The following ZNF716 variants were observed in gnomAD, a reference collection of about 807,000 sequenced individuals.
ZNF716 encodes zinc finger protein 716.
ZNF716 carries 9 observed loss-of-function variants against 13.4 expected under a neutral mutation model. The ratio of observed to expected loss-of-function variants is 0.67; its 90% CI spans 0.41 to 1.18. ZNF716 has a LOEUF of 1.18. ZNF716 is among the 50% of genes most tolerant of loss of function. The probability of loss-of-function intolerance (pLI) is 0.01; values close to 1 mark genes in which losing one functional copy is unlikely to be tolerated. For synonymous variants in ZNF716, 186 were observed against 195.2 expected, an observed-to-expected ratio of 0.95 and a Z score of 0.39; for missense variants, 581 against 576.6, an observed-to-expected ratio of 1.01 and a Z score of -0.08.
chr7:57,468,778 C>G lies in ZNF716; in HGVS notation c.317C>G (p.Ser106Ter). The change falls in exon 4 of 4, where the codon TCA (serine) becomes TGA (stop). Residue 106 changes from serine (S) to a stop codon, truncating the protein, a stop_gained. Transcript: ENST00000420713. LOFTEE classifies it low-confidence loss of function (END_TRUNC). ...DLQSEQGIKD[S>*]LQKVILRRYG... ...CAGTCAGAGCAGGGCATAAAAGATT[C>G]ACTCCAAAAAGTGATACTGAGAAGA... 6.2e-7 allele frequency: 1 copy of G among 1,613,192 alleles called. No homozygotes were observed. Among genetic ancestry groups the G allele is most frequent in the South Asian group, 1.1e-5 (1 of 90,948 alleles).
At chr7:57,450,838 G>A (rs1383163257) in intron 1 of ZNF716, among the ~76,000 whole-genome samples, 4 of 151,990 alleles carry the variant, frequency 2.6e-5, no homozygotes, top group African/African-American at 9.7e-5. Context: ...AGACTTGAAG[G>A]AAAGTTTGTT....
At chr7:57,467,930 TTTTA>T in intron 3 of ZNF716, among the ~76,000 whole-genome samples, 1 of 152,158 alleles carries the variant, frequency 6.6e-6, no homozygotes, top group Middle Eastern at 3.4e-3. Context: ...TTTCAAAATT[TTTTA>T]TTTTTTTGAT....
At chr7:57,451,050 C>G (rs1192634963) in intron 1 of ZNF716, among the ~76,000 whole-genome samples, 1 of 150,302 alleles carries the variant, frequency 6.7e-6, no homozygotes, top group Non-Finnish European at 1.5e-5. Context: ...GAGAGGGAGT[C>G]TCGCTCTGTT....
At chr7:57,462,354 C>G (rs781940792) in intron 1 of ZNF716, 106 bp from the exon 2 acceptor site, 63 of 1,315,284 alleles carry the variant, frequency 4.8e-5, no homozygotes, top group Non-Finnish European at 6.5e-5. Flanking sequence ...CTTCTTTTTA[C>G]TCTCTTATTT....
rs782379095 is a variant in ZNF716, at chr7:57,468,782, C to G, written c.321C>G (p.Leu107=). ...CAGAGCAGGGCATAAAAGATTCACTCCAAAAAGTGATACTGAGAAGATATG... is the reference window on the plus strand; with the variant it reads ...CAGAGCAGGGCATAAAAGATTCACTGCAAAAAGTGATACTGAGAAGATATG... ...LQSEQGIKDS[L]QKVILRRYGK... is the part of the protein sequence containing the mutation. Residue 107 remains leucine (L), a synonymous_variant, in exon 4 of 4, where the codon CTC becomes CTG. Transcript: ENST00000420713. 4 of 1,613,274 alleles carry G rather than the reference C, an allele frequency of 2.5e-6. No individual in the cohort carries two copies. The South Asian group carries it at 3.3e-5, about 13-fold the overall frequency.
At chr7:57,466,064 T>C (rs1290600303) in intron 3 of ZNF716, among the ~76,000 whole-genome samples, 4 of 151,838 alleles carry the variant, frequency 2.6e-5, no homozygotes, top group East Asian at 1.9e-4. Context: ...AGGGATAGCA[T>C]TGGGAGATAT....
In ZNF716 at chr7:57,462,990, T is replaced by C. The variant is rs150755239; in HGVS notation, c.167-83T>C. 2,115 of 1,524,100 alleles carry C rather than the reference T, an allele frequency of 1.4e-3. 34 individuals carry two copies. In the African/African-American group the frequency reaches 0.026, roughly 19 times the overall value. The allele number at this position is 1,524,100 out of a possible 1,614,324, so 94.4% of individuals were successfully genotyped here. ...TAATTTTCTAGAATTTTCTATCATA[T>C]CCTCTTTACTAAGCATAATACTTGT... On this transcript the variant is annotated intron_variant, in intron 2 of 3. Transcript: ENST00000420713.
intron 1 of ZNF716, among the ~76,000 whole-genome samples, chr7:57,457,770 A>G (rs1474377376): frequency 1.3e-5 from 2 of 152,170 alleles, no homozygotes; most frequent in African/African-American, 4.8e-5. Context: ...TAAGCATAGT[A>G]CCCAACAGAT....
intron 1 of ZNF716, among the ~76,000 whole-genome samples, chr7:57,460,487 G>T (rs553641213): frequency 6.6e-6 from 1 of 150,414 alleles, no homozygotes; most frequent in East Asian, 2.0e-4. Context: ...TACTTGTGTT[G>T]TTATCCCTAA....
rs1248597578 is a variant in ZNF716, at chr7:57,470,550, A to G, written c.*601A>G. 2.0e-5 allele frequency: 3 copies of G among 152,840 alleles called. No individual in the cohort carries two copies. The highest frequency in any genetic ancestry group is 7.2e-5 in the African/African-American group (3 of 41,452). The allele number at this position is 152,840 out of a possible 1,614,324, so 9.5% of individuals were successfully genotyped here. On this transcript the variant is annotated 3_prime_UTR_variant, in exon 4 of 4. Coordinates refer to ENST00000420713, the MANE Select transcript of ZNF716 (RefSeq NM_001159279.1). ...TCTAGAGACAAACCCTACAAAAACA[A>G]TGTGGTAAAGCTTTTACCTAGTCTT...
At chr7:57,453,566 C>T (rs1321946273) in intron 1 of ZNF716, among the ~76,000 whole-genome samples, 1 of 152,030 alleles carries the variant, frequency 6.6e-6, no homozygotes, top group East Asian at 1.9e-4. Context: ...TCACATTTGC[C>T]CTTTTCTTTC....
At chr7:57,452,388 A>G (rs1789512536) in intron 1 of ZNF716, among the ~76,000 whole-genome samples, 1 of 152,012 alleles carries the variant, frequency 6.6e-6, no homozygotes, top group African/African-American at 2.4e-5. Context: ...TAATCCTAGC[A>G]CTTTGGGAGA....
intron 1 of ZNF716, among the ~76,000 whole-genome samples, chr7:57,452,362 CG>C (rs1789512239): frequency 6.6e-6 from 1 of 151,770 alleles, no homozygotes; most frequent in African/African-American, 2.4e-5. Flanking sequence ...GGGCCGGACG[CG>C]GTGGCTCATG....
Position 57,472,298 on chromosome 7 carries a change from TAAAC to T in ZNF716, c.*2353_*2356del, listed in dbSNP as rs1789957228. On this transcript the variant is annotated 3_prime_UTR_variant, in exon 4 of 4. Transcript: ENST00000420713. ...TTATTTTATCAATTGTACCTTTATG[TAAAC>T]AAAGTTGTTTTTAATGAGCTAAAAC... 1 of 152,230 alleles carries T rather than the reference TAAAC, an allele frequency of 6.6e-6. No individual in the cohort carries two copies. Among genetic ancestry groups the T allele is most frequent in the South Asian group, 2.1e-4 (1 of 4,838 alleles). 9.4% of individuals were successfully genotyped at this position (152,230 alleles called of 1,614,324 possible).
At chr7:57,456,010 C>CA (rs1403167612) in intron 1 of ZNF716, among the ~76,000 whole-genome samples, 36 of 151,914 alleles carry the variant, frequency 2.4e-4, no homozygotes, top group African/African-American at 8.2e-4. Context: ...GGCTGGAATG[C>CA]AGTGGCACAA....
At chr7:57,467,293 C>T (rs1248041615) in intron 3 of ZNF716, among the ~76,000 whole-genome samples, 1 of 151,982 alleles carries the variant, frequency 6.6e-6, no homozygotes, top group Non-Finnish European at 1.5e-5. Flanking sequence ...AATAATGCCA[C>T]AGACTTTTAT....
intron 1 of ZNF716, among the ~76,000 whole-genome samples, chr7:57,458,690 G>A (rs1256725348): frequency 6.6e-6 from 1 of 152,022 alleles, no homozygotes; most frequent in Admixed American, 6.6e-5. Flanking sequence ...CAGAGTGCTG[G>A]GATTAAAGGC....
chr7:57,452,120 A>T (rs1244740739), intron 1 of ZNF716, among the ~76,000 whole-genome samples: 1 of 152,018 alleles, frequency 6.6e-6, no homozygotes, highest in Non-Finnish European at 1.5e-5. Flanking sequence ...TCACAGACTA[A>T]CTCTGGCTTG....
chr7:57,455,733 G>T (rs1456901401), intron 1 of ZNF716, among the ~76,000 whole-genome samples: 1 of 152,004 alleles, frequency 6.6e-6, no homozygotes, highest in Non-Finnish European at 1.5e-5. Context: ...GGCCAGGTTG[G>T]TCTCAAACTC....
Sources: gnomAD v4.1 joint callset for allele counts (sites outside exome capture counted in the v4.1 genomes callset) on GRCh38, gnomAD v4.1.1 for gene constraint, MANE v1.5 for transcripts, NCBI Gene and HGNC (gene_info 2026-07-23, HGNC 2026-07-21) for gene names.